The following SYT3 variants were observed in gnomAD, a reference collection of about 807,000 sequenced individuals.
SYT3 encodes the protein synaptotagmin-3.
Under a neutral mutation model 50.6 loss-of-function variants are expected in SYT3, and 25 were observed. The observed-to-expected ratio is 0.49, with a 90% CI of 0.36 to 0.69. The LOEUF (loss-of-function observed/expected upper bound fraction) is 0.69, where lower values mean the gene tolerates loss of function less well. SYT3 is among the 30% of genes least tolerant of loss of function. The probability of loss-of-function intolerance (pLI) is 0.00; values close to 1 mark genes in which losing one functional copy is unlikely to be tolerated. For missense variants in SYT3, 589 were observed against 793.6 expected (o/e 0.74, Z 3.10); for synonymous variants, 323 against 353.9 (o/e 0.91, Z 0.98).
chr19:50,657,894 T>C, the SYT3 span: 1 of 1,415,764 alleles, frequency 7.1e-7, no homozygotes, highest in Non-Finnish European at 9.2e-7. Flanking sequence ...TGGAACTCTG[T>C]GGCAGGTTCT....
chr19:50,641,236 G>A (rs1346064483), upstream of SYT3, among the ~76,000 whole-genome samples: 1 of 141,270 alleles, frequency 7.1e-6, no homozygotes, highest in African/African-American at 2.7e-5. Context: ...CTGGAGTGTA[G>A]TGGCGCGATC....
rs754747321 is a variant in SYT3, at chr19:50,625,412, C to T, written c.1555G>A (p.Ala519Thr). ...CCTCACCAGTCGTAGTCTACCACGG[C>T]GATGCTGAGCCCCACGTTCTCCACG... is the stretch of plus-strand genomic sequence containing the variant. ...ESVENVGLSI[A>T]VVDYDCIGHN... Residue 519 changes from alanine (A) to threonine (T), a missense_variant, in exon 8 of 11, where the codon GCC becomes ACC. By Grantham distance (58) the Ala-to-Thr change is moderately conservative. Coordinates refer to ENST00000600079, the MANE Select transcript of SYT3 (RefSeq NM_001160329.2). This position sits in a 1 kb window ranked among gnomAD's most constrained non-coding sequence, Gnocchi z 7.5. 11 of 1,554,586 alleles carry T rather than the reference C, an allele frequency of 7.1e-6. No homozygotes were observed. The highest frequency in any genetic ancestry group is 4.8e-5 in the East Asian group (2 of 41,326).
At chr19:50,655,974 A>G in the SYT3 span, 1 of 1,390,410 alleles carries the variant, frequency 7.2e-7, no homozygotes, top group Non-Finnish European at 9.8e-7. Context: ...TGGGCAAGCA[A>G]TTGGTGATGG....
upstream of SYT3, among the ~76,000 whole-genome samples, chr19:50,641,641 T>C (rs1984685096): frequency 6.6e-6 from 1 of 150,392 alleles, no homozygotes; most frequent in African/African-American, 2.4e-5. Context: ...AGCTCAGGAG[T>C]TCAAGACCAG....
At position 50,625,567 on chromosome 19, in the gene SYT3, G is replaced by A. The variant is rs751649917; in HGVS notation, c.1403-3C>T. 6.3e-7 allele frequency: 1 copy of A among 1,577,966 alleles called. No homozygotes were observed. The highest frequency in any genetic ancestry group is 1.2e-5 in the South Asian group (1 of 85,212). On this transcript the variant is annotated splice_polypyrimidine_tract_variant and splice_region_variant and intron_variant, in intron 7 of 10. Coordinates refer to ENST00000600079, the MANE Select transcript of SYT3 (RefSeq NM_001160329.2). The surrounding 1 kb of genome is among the most constrained non-coding windows in gnomAD (Gnocchi z 7.5). ...CAGGGAGGCCTTCACGTAGGGGTCTGGGAACAGCAATGAAGTAAGGAACAG... is the reference window on the plus strand; with the variant it reads ...CAGGGAGGCCTTCACGTAGGGGTCTAGGAACAGCAATGAAGTAAGGAACAG...
At chr19:50,634,457 C>T (rs1215365963) in intron 3 of SYT3, among the ~76,000 whole-genome samples, 1 of 152,086 alleles carries the variant, frequency 6.6e-6, no homozygotes, top group African/African-American at 2.4e-5. Context: ...AATGACTTAT[C>T]CCATTTTACA....
At chr19:50,634,426 T>C (rs900628281) in intron 3 of SYT3, among the ~76,000 whole-genome samples, 1 of 152,166 alleles carries the variant, frequency 6.6e-6, no homozygotes, top group African/African-American at 2.4e-5. Context: ...CATTAATCCT[T>C]ATGACATTAT....
At chr19:50,652,218 A>AT in the SYT3 span, among the ~76,000 whole-genome samples, 41 of 152,234 alleles carry the variant, frequency 2.7e-4, no homozygotes, top group African/African-American at 9.1e-4. Flanking sequence ...TCAAAATTGT[A>AT]TTTTTTTATA....
chr19:50,653,270 CTCAG>C, the SYT3 span, among the ~76,000 whole-genome samples: 4 of 152,112 alleles, frequency 2.6e-5, no homozygotes, highest in East Asian at 1.9e-4. Flanking sequence ...AACTCCTGAG[CTCAG>C]TCAATCTGCC....
At chr19:50,628,672 A>C (rs1205523400) in intron 6 of SYT3, among the ~76,000 whole-genome samples, 1 of 151,982 alleles carries the variant, frequency 6.6e-6, no homozygotes, top group South Asian at 2.1e-4. Context: ...GGAAGGTAAG[A>C]AGTCTGGGGT....
At chr19:50,652,150 A>G in the SYT3 span, among the ~76,000 whole-genome samples, 13 of 152,286 alleles carry the variant, frequency 8.5e-5, no homozygotes, top group African/African-American at 3.1e-4. Context: ...TGCCCGGCCT[A>G]TAATTATTTT....
chr19:50,654,710 A>G, the SYT3 span, among the ~76,000 whole-genome samples: 1 of 150,998 alleles, frequency 6.6e-6, no homozygotes, highest in Middle Eastern at 3.4e-3. Flanking sequence ...GCTCACTGCA[A>G]CCTCTAACTC....
chr19:50,651,055 T>G, the SYT3 span, among the ~76,000 whole-genome samples: 1 of 152,244 alleles, frequency 6.6e-6, no homozygotes, highest in Non-Finnish European at 1.5e-5. Flanking sequence ...TTGATCAGGT[T>G]GCAAACTTCA....
At chr19:50,653,737 C>T in the SYT3 span, among the ~76,000 whole-genome samples, 2 of 132,248 alleles carry the variant, frequency 1.5e-5, no homozygotes, top group South Asian at 2.5e-4. Context: ...CACACACACA[C>T]ACACGTTGTC....
At chr19:50,631,649 T>C (rs1279090920) in intron 4 of SYT3, among the ~76,000 whole-genome samples, 1 of 151,730 alleles carries the variant, frequency 6.6e-6, no homozygotes, top group Non-Finnish European at 1.5e-5. Flanking sequence ...CCTTCCCAAC[T>C]CTCCCTCAGC....
chr19:50,642,731 G>A (rs1033375815), upstream of SYT3, among the ~76,000 whole-genome samples: 1 of 152,124 alleles, frequency 6.6e-6, no homozygotes, highest in African/African-American at 2.4e-5. Flanking sequence ...CTACTTGGGA[G>A]GCTGAAGCAG....
At position 50,629,520 on chromosome 19, in the gene SYT3, TG is replaced by T. The variant is rs1984201837; in HGVS notation, c.1063-9del. The T allele has an allele frequency of 6.2e-7, 1 of 1,610,476 alleles. No homozygotes were observed. Among genetic ancestry groups the T allele is most frequent in the East Asian group, 2.2e-5 (1 of 44,768 alleles). On this transcript the variant is annotated splice_polypyrimidine_tract_variant and intron_variant, in intron 5 of 10. Coordinates refer to ENST00000600079, the MANE Select transcript of SYT3 (RefSeq NM_001160329.2). ...CAGGGTCTTCCTGTGCACCTGGTGG[TG>T]GTGGGCGACAGGAGACAGACACCGT...
the SYT3 span, chr19:50,657,870 C>T: frequency 7.5e-7 from 1 of 1,340,114 alleles, no homozygotes; most frequent in Non-Finnish European, 9.8e-7. Context: ...GATCCTTGCC[C>T]CTCAAATGCC....
Position 50,632,892 on chromosome 19 carries a change from C to T in SYT3, c.149-81G>A, listed in dbSNP as rs1028255942. ...CTCTGCTGTCCCCAAAGAGTTAACC[C>T]TTCATATTTGCCATGCAATTGTCCA... On this transcript the variant is annotated intron_variant, in intron 3 of 10. Coordinates refer to ENST00000600079, the MANE Select transcript of SYT3 (RefSeq NM_001160329.2). This position sits in a 1 kb window ranked among gnomAD's most constrained non-coding sequence, Gnocchi z 4.7. The T allele has an allele frequency of 8.2e-6, 10 of 1,221,592 alleles. No homozygotes were observed. Among genetic ancestry groups the T allele is most frequent in the East Asian group, 2.6e-5 (1 of 38,132 alleles). The allele number at this position is 1,221,592 out of a possible 1,614,324, so 75.7% of individuals were successfully genotyped here. A position where few individuals can be genotyped will look rare whatever the true frequency, so the allele number is the denominator to read the frequency against.
Sources: gnomAD v4.1 joint callset for allele counts (sites outside exome capture counted in the v4.1 genomes callset) on GRCh38, gnomAD v4.1.1 for gene constraint, Gnocchi (gnomAD v3.1) non-coding constraint, MANE v1.5 for transcripts, NCBI Gene and HGNC (gene_info 2026-07-23, HGNC 2026-07-21) for gene names.